The following PUM2 variants were observed in gnomAD, a reference collection of about 807,000 sequenced individuals.
The protein encoded by PUM2 is pumilio RNA binding family member 2, also known as pumilio homolog 2.
A neutral mutation model predicts 124.5 loss-of-function variants in PUM2; 57 were observed. The ratio of observed to expected loss-of-function variants is 0.46; its 90% CI spans 0.37 to 0.57. PUM2 has a LOEUF of 0.57. PUM2 is among the 20% of genes least tolerant of loss of function. PUM2 has a pLI of 0.00. For synonymous variants in PUM2, 460 were observed against 446.1 expected, an observed-to-expected ratio of 1.03 and a Z score of -0.39; for missense variants, 1,065 against 1,290.6, an observed-to-expected ratio of 0.83 and a Z score of 2.68.
At chr2:20,271,372 G>A (rs1380315999) in intron 13 of PUM2, among the ~76,000 whole-genome samples, 1 of 152,124 alleles carries the variant, frequency 6.6e-6, no homozygotes, top group Non-Finnish European at 1.5e-5. Context: ...GGAATGCAGT[G>A]GCATAACGTC....
At chr2:20,328,051 T>G (rs775807526) in intron 1 of PUM2, among the ~76,000 whole-genome samples, 3 of 152,058 alleles carry the variant, frequency 2.0e-5, no homozygotes, top group African/African-American at 7.2e-5. Flanking sequence ...AACCCAACAT[T>G]TGGCTAGGTG....
chr2:20,279,661 T>C (rs139415539), intron 12 of PUM2, among the ~76,000 whole-genome samples: 3 of 152,296 alleles, frequency 2.0e-5, no homozygotes, highest in African/African-American at 7.2e-5. Flanking sequence ...AATGTAACTA[T>C]TATCCTTCTA....
In PUM2 at chr2:20,256,187, G is replaced by A. The variant is rs762855767; in HGVS notation, c.2485-17C>T. ...CATTTCACTCTGCAAAAGACAGGAT[G>A]TCATTTAAATTATTACCTCAAACGA... On this transcript the variant is annotated splice_polypyrimidine_tract_variant and intron_variant, in intron 16 of 20. Coordinates refer to ENST00000361078, the MANE Select transcript of PUM2 (RefSeq NM_015317.5). The A allele has an allele frequency of 1.3e-6, 2 of 1,568,650 alleles. No homozygotes were observed. The highest frequency in any genetic ancestry group is 1.7e-6 in the Non-Finnish European group (2 of 1,164,930).
intron 7 of PUM2, among the ~76,000 whole-genome samples, chr2:20,306,950 A>G (rs1244533026): frequency 1.3e-5 from 2 of 150,180 alleles, no homozygotes; most frequent in Non-Finnish European, 3.0e-5. Flanking sequence ...GCGGTGGCTC[A>G]CACCTGCAAT....
At chr2:20,320,816 A>G (rs974833750) in intron 2 of PUM2, among the ~76,000 whole-genome samples, 11 of 152,178 alleles carry the variant, frequency 7.2e-5, no homozygotes, top group African/African-American at 2.7e-4. Context: ...CATACTTGAT[A>G]TATTTAAATA....
intron 10 of PUM2, among the ~76,000 whole-genome samples, chr2:20,284,714 G>C (rs926724379): frequency 1.3e-5 from 2 of 152,186 alleles, no homozygotes; most frequent in African/African-American, 4.8e-5. Context: ...ATACTATGCA[G>C]AAGTGAGAGT....
chr2:20,317,028 C>A (rs566739373), intron 3 of PUM2, among the ~76,000 whole-genome samples: 20 of 151,608 alleles, frequency 1.3e-4, no homozygotes, highest in African/African-American at 4.6e-4. Flanking sequence ...GAGACTCTGT[C>A]TCAGGGGAAA....
chr2:20,271,653 C>A (rs777956939), intron 13 of PUM2, among the ~76,000 whole-genome samples: 2 of 151,900 alleles, frequency 1.3e-5, no homozygotes, highest in Non-Finnish European at 2.9e-5. Flanking sequence ...TTTAAAAGAC[C>A]CTTAAAGTAA....
chr2:20,308,471 G>A lies in PUM2; in HGVS notation c.632C>T (p.Pro211Leu). The change falls in exon 6 of 21, where the codon CCA becomes CTA. Residue 211 changes from proline (P) to leucine (L), a missense_variant. Pro to Leu is a moderately conservative substitution (Grantham distance 98, BLOSUM62 -3). Transcript: ENST00000361078. ...GPLPNPTANK[P>L]LVEEFSNPET... The stretch of plus-strand genomic sequence containing the variant: ...AGGATTTGAAAATTCTTCAACAAGT[G>A]GTTTATTAGCTGTAGGATTAGGAAG... 6.2e-7 allele frequency: 1 copy of A among 1,614,084 alleles called. No homozygotes were observed. Among genetic ancestry groups the A allele is most frequent in the South Asian group, 1.1e-5 (1 of 91,066 alleles).
At chr2:20,345,982 C>T (rs1430667405) in intron 1 of PUM2, among the ~76,000 whole-genome samples, 1 of 152,196 alleles carries the variant, frequency 6.6e-6, no homozygotes, top group African/African-American at 2.4e-5. Flanking sequence ...AACCACGATT[C>T]TGAAAGAACT....
At chr2:20,322,818 AAAAC>A (rs545675652) in intron 2 of PUM2, among the ~76,000 whole-genome samples, 110 of 152,274 alleles carry the variant, frequency 7.2e-4, no homozygotes, top group African/African-American at 2.5e-3. Flanking sequence ...CAAAAAACAA[AAAAC>A]AAACAAAACA....
At chr2:20,316,245 G>A (rs1235534606) in intron 3 of PUM2, among the ~76,000 whole-genome samples, 1 of 152,024 alleles carries the variant, frequency 6.6e-6, no homozygotes, top group Admixed American at 6.5e-5. Context: ...CTACTTTGTT[G>A]AAATCACCAA....
chr2:20,302,229 A>C (rs1314588668), intron 7 of PUM2, among the ~76,000 whole-genome samples: 2 of 152,164 alleles, frequency 1.3e-5, no homozygotes, highest in Non-Finnish European at 2.9e-5. Flanking sequence ...TCTGTCATAT[A>C]AATTCTTGAT....
chr2:20,273,136 A>G (rs1651270144), intron 13 of PUM2, among the ~76,000 whole-genome samples: 1 of 152,252 alleles, frequency 6.6e-6, no homozygotes, highest in African/African-American at 2.4e-5. Context: ...AATCTCTGCC[A>G]GCTACAAATT....
At chr2:20,304,640 G>A (rs1677786335) in intron 7 of PUM2, among the ~76,000 whole-genome samples, 2 of 152,248 alleles carry the variant, frequency 1.3e-5, no homozygotes, top group South Asian at 2.1e-4. Context: ...CTTTTGTACA[G>A]AAGACATTTG....
intron 1 of PUM2, among the ~76,000 whole-genome samples, chr2:20,336,681 TTGTGTGTGTG>T (rs113658730): frequency 0.027 from 3,612 of 131,570 alleles, 147 homozygotes; most frequent in African/African-American, 0.099. Flanking sequence ...CCTGGCTAAT[TTGTGTGTGTG>T]TGTGTGTGTG....
chr2:20,328,694 A>G (rs1164547587), intron 1 of PUM2, among the ~76,000 whole-genome samples: 1 of 152,222 alleles, frequency 6.6e-6, no homozygotes, highest in Non-Finnish European at 1.5e-5. Flanking sequence ...CACTGGATGC[A>G]CTTAGCAGAT....
intron 2 of PUM2, among the ~76,000 whole-genome samples, chr2:20,323,447 CA>C (rs1158061957): frequency 0.056 from 4,764 of 84,732 alleles, 133 homozygotes; most frequent in African/African-American, 0.17. Context: ...GACTCCATCT[CA>C]AAAAAAAAAA....
intron 14 of PUM2, among the ~76,000 whole-genome samples, chr2:20,262,756 T>C (rs1446988010): frequency 2.6e-5 from 4 of 152,224 alleles, no homozygotes; most frequent in Non-Finnish European, 5.9e-5. Flanking sequence ...CGTTTTAATG[T>C]AAAAAGGCAC....
Sources: gnomAD v4.1 joint callset for allele counts (sites outside exome capture counted in the v4.1 genomes callset) on GRCh38, gnomAD v4.1.1 for gene constraint, MANE v1.5 for transcripts, NCBI Gene and HGNC (gene_info 2026-07-23, HGNC 2026-07-21) for gene names.